Variants in NVL observed in about 807,000 individuals in gnomAD.
The protein encoded by NVL is nuclear VCP like.
NVL carries 84 observed loss-of-function variants against 110.2 expected under a neutral mutation model. That is an observed-to-expected ratio of 0.76 (90% CI 0.64 to 0.91). The LOEUF (loss-of-function observed/expected upper bound fraction) is 0.91. NVL is among the 40% of genes least tolerant of loss of function. The pLI is 0.00. For synonymous variants in NVL, 354 were observed against 361.1 expected, an observed-to-expected ratio of 0.98 and a Z score of 0.22; for missense variants, 882 against 1,035.9, an observed-to-expected ratio of 0.85 and a Z score of 2.04.
At chr1:224,286,828 C>T (rs1384273817) in intron 14 of NVL, among the ~76,000 whole-genome samples, 1 of 152,154 alleles carries the variant, frequency 6.6e-6, no homozygotes, top group Non-Finnish European at 1.5e-5. Context: ...TTCAGTAGTA[C>T]ATACCTCTAA....
At position 224,287,763 on chromosome 1, in the gene NVL, T is replaced by C; in HGVS notation, c.1794+12A>G. The C allele has an allele frequency of 6.2e-7, 1 of 1,608,614 alleles. No individual in the cohort carries two copies. ...TGACATGCCAATAATATTTGGCAGC[T>C]GATATACCTACCAATATTGCCATGG... On this transcript the variant is annotated intron_variant, in intron 14 of 22. Transcript: ENST00000281701.
intron 16 of NVL, among the ~76,000 whole-genome samples, chr1:224,280,179 G>GT (rs1367873488): frequency 0.13 from 15,910 of 123,198 alleles, 1,436 homozygotes; most frequent in African/African-American, 0.27. Context: ...GTTTTTTTTT[G>GT]TTTTTTTTTT....
chr1:224,325,307 C>T (rs1671039142), intron 2 of NVL, among the ~76,000 whole-genome samples: 1 of 151,144 alleles, frequency 6.6e-6, no homozygotes, highest in Admixed American at 6.6e-5. Flanking sequence ...CATGGTGGCT[C>T]ATGCGTGTCA....
At chr1:224,293,885 C>T (rs1667614663) in intron 12 of NVL, among the ~76,000 whole-genome samples, 1 of 152,222 alleles carries the variant, frequency 6.6e-6, no homozygotes, top group African/African-American at 2.4e-5. Flanking sequence ...ACAATCATAA[C>T]TTACTGCAGC....
At position 224,317,887 on chromosome 1, in the gene NVL, C is replaced by T. The variant is rs754254646; in HGVS notation, c.175G>A (p.Val59Ile). 5 of 1,596,910 alleles carry T rather than the reference C, an allele frequency of 3.1e-6. No individual in the cohort carries two copies. The highest frequency in any genetic ancestry group is 4.3e-6 in the Non-Finnish European group (5 of 1,166,912). Residue 59 changes from valine (V) to isoleucine (I), a missense_variant, in exon 3 of 23, where the codon GTA becomes ATA. Transcript: ENST00000281701. The part of the protein sequence containing the change: ...RRKRNAFRIQ[V>I]EKVFSIISSE... Reference sequence around the variant, plus strand: ...TAACAATAAGACTCACCTTTTTCTACCTGAATCCTAAAAGCATTTCTTTTT... The same window carrying T: ...TAACAATAAGACTCACCTTTTTCTATCTGAATCCTAAAAGCATTTCTTTTT...
At position 224,227,676 on chromosome 1, in the gene NVL, A is replaced by C. The variant is rs757933150; in HGVS notation, c.2527-6T>G. ...CGTTCATACATGATTTGATCCTGAAAGGAGGGAGAACACAGAATACAGAGA... is the reference window on the plus strand; with the variant it reads ...CGTTCATACATGATTTGATCCTGAACGGAGGGAGAACACAGAATACAGAGA... On this transcript the variant is annotated splice_region_variant and splice_polypyrimidine_tract_variant and intron_variant, in intron 22 of 22. Transcript: ENST00000281701. The C allele has an allele frequency of 4.3e-6, 7 of 1,610,092 alleles. No homozygotes were observed. The Admixed American group carries it at 5.0e-5, about 12-fold the overall frequency.
intron 5 of NVL, among the ~76,000 whole-genome samples, chr1:224,309,937 G>A (rs1298060076): frequency 2.0e-5 from 3 of 151,990 alleles, no homozygotes; most frequent in Non-Finnish European, 2.9e-5. Context: ...GCTGAGGCAC[G>A]AGAATCACTT....
chr1:224,229,441 A>T lies in NVL; in HGVS notation c.2527-1771T>A, dbSNP rs559877057. Among the ~76,000 whole-genome samples, 1,441 of 149,090 alleles carry T rather than the reference A, an allele frequency of 9.7e-3. 17 individuals are homozygous for T. The highest frequency in any genetic ancestry group is 0.032 in the African/African-American group (1,301 of 40,858). ...CTCACTGTGGTCAAATTAAAAAAAA[A>T]TTTTTTTTTTTGAGACGGAGTCTCA... On this transcript the variant is annotated intron_variant, in intron 22 of 22. Transcript: ENST00000281701.
chr1:224,318,472 C>T (rs1357622753), intron 2 of NVL, among the ~76,000 whole-genome samples: 2 of 151,930 alleles, frequency 1.3e-5, no homozygotes, highest in Non-Finnish European at 2.9e-5. Context: ...TATGGTAGTA[C>T]GTGGCTGTAG....
rs902467947 is a variant in NVL, at chr1:224,233,106, CAT to C, written c.2455+93_2455+94del. 6.2e-5 allele frequency: 62 copies of C among 1,001,684 alleles called. No individual in the cohort carries two copies. The African/African-American group carries it at 1.0e-3, about 16-fold the overall frequency. The allele number at this position is 1,001,684 out of a possible 1,614,324, so 62.0% of individuals were successfully genotyped here. ...ATTAGAAAAACGTTAGCTTTAATATCATAGATAATAGACACTAGAAAATGGTC... is the reference window on the plus strand; with the variant it reads ...ATTAGAAAAACGTTAGCTTTAATATCAGATAATAGACACTAGAAAATGGTC... On this transcript the variant is annotated intron_variant, in intron 21 of 22. Transcript: ENST00000281701.
At chr1:224,317,988 A>G in intron 2 of NVL, 58 bp from the exon 3 acceptor site, 1 of 1,188,470 alleles carries the variant, frequency 8.4e-7, no homozygotes, top group South Asian at 1.3e-5. Context: ...TTTTCCATTA[A>G]GTTCAATCTA....
At chr1:224,299,707 G>C (rs1668211096) in intron 10 of NVL, among the ~76,000 whole-genome samples, 1 of 152,176 alleles carries the variant, frequency 6.6e-6, no homozygotes, top group Non-Finnish European at 1.5e-5. Context: ...AGAAAGTTCA[G>C]CTTTGCTCTG....
At chr1:224,265,746 G>A (rs1664442822) in intron 18 of NVL, among the ~76,000 whole-genome samples, 1 of 152,092 alleles carries the variant, frequency 6.6e-6, no homozygotes, top group Admixed American at 6.5e-5. Context: ...AAGAGAGTGG[G>A]TAAGTTATTA....
intron 18 of NVL, among the ~76,000 whole-genome samples, chr1:224,255,722 T>G (rs7518299): frequency 6.6e-6 from 1 of 152,220 alleles, no homozygotes; most frequent in Non-Finnish European, 1.5e-5. Flanking sequence ...TTGGCACTTT[T>G]GAAGAGCAGT....
chr1:224,267,222 A>G (rs1664579022), intron 18 of NVL, among the ~76,000 whole-genome samples: 1 of 152,160 alleles, frequency 6.6e-6, no homozygotes, highest in Non-Finnish European at 1.5e-5. Flanking sequence ...AGAATGCTTA[A>G]CCTTGAAAAC....
chr1:224,292,896 A>G (rs78569769), intron 12 of NVL, among the ~76,000 whole-genome samples: 12,063 of 151,810 alleles, frequency 0.079, 665 homozygotes, highest in African/African-American at 0.15. Context: ...GATTACAGGC[A>G]TGCACCATCA....
chr1:224,294,568 G>A (rs891792864), intron 11 of NVL, among the ~76,000 whole-genome samples, 157 bp from the exon 12 acceptor site: 6 of 152,128 alleles, frequency 3.9e-5, no homozygotes, highest in African/African-American at 1.4e-4. Flanking sequence ...TATGTAAAAG[G>A]TGTGAGGAGG....
intron 10 of NVL, chr1:224,297,699 GT>G (rs1031475578): frequency 1.8e-4 from 31 of 176,366 alleles, no homozygotes; most frequent in South Asian, 8.8e-4. Context: ...TCTCTAGGCC[GT>G]TCAGAAAACA....
At chr1:224,285,743 G>A (rs900029592) in intron 15 of NVL, among the ~76,000 whole-genome samples, 1 of 151,788 alleles carries the variant, frequency 6.6e-6, no homozygotes, top group Non-Finnish European at 1.5e-5. Flanking sequence ...CTAAAACTAT[G>A]GAATAATACT....
Sources: allele counts gnomAD v4.1 joint callset (sites outside exome capture counted in the v4.1 genomes callset), GRCh38; gene constraint gnomAD v4.1.1; transcripts MANE v1.5; gene names NCBI Gene and HGNC (gene_info 2026-07-23, HGNC 2026-07-21).